Variants in GLI3 observed in about 807,000 individuals in gnomAD.
The protein encoded by GLI3 is transcription activator GLI3.
GLI3 carries 20 observed loss-of-function variants against 100.8 expected under a neutral mutation model. That is an observed-to-expected ratio of 0.20 (90% confidence interval 0.14 to 0.29). The LOEUF (loss-of-function observed/expected upper bound fraction) is 0.29. Among genes scored for constraint, GLI3 ranks in the 10% least tolerant of loss-of-function variants. The probability of loss-of-function intolerance (pLI) is 1.00; values close to 1 mark genes in which losing one functional copy is unlikely to be tolerated. For synonymous variants in GLI3, 938 were observed against 860.5 expected, an observed-to-expected ratio of 1.09 and a Z score of -1.58; for missense variants, 2,040 against 2,128.5, an observed-to-expected ratio of 0.96 and a Z score of 0.82.
At chr7:42,176,892 A>G (rs1411749407) in intron 2 of GLI3, among the ~76,000 whole-genome samples, 1 of 152,276 alleles carries the variant, frequency 6.6e-6, no homozygotes, top group East Asian at 1.9e-4. Flanking sequence ...TTTTAAATCT[A>G]GCCCCCAAAT....
intron 3 of GLI3, among the ~76,000 whole-genome samples, chr7:42,133,226 T>A: frequency 6.6e-6 from 1 of 152,236 alleles, no homozygotes. Context: ...CAACTCTGTT[T>A]CTACTTTGGC....
At chr7:42,155,266 C>G (rs1786974118) in intron 2 of GLI3, among the ~76,000 whole-genome samples, 1 of 151,766 alleles carries the variant, frequency 6.6e-6, no homozygotes, top group Non-Finnish European at 1.5e-5. Context: ...ATGGAGAAAC[C>G]CCATCTCTAC....
At position 42,093,313 on chromosome 7, in the gene GLI3, C is replaced by T. The variant is rs201053879; in HGVS notation, c.368-16456G>A. ...AGAATCACTTGAACCCGGGAGGCGGCGGTTGCAGTGAGCTGAGATCGCCCT... is the reference window on the plus strand; with the variant it reads ...AGAATCACTTGAACCCGGGAGGCGGTGGTTGCAGTGAGCTGAGATCGCCCT... On this transcript the variant is annotated intron_variant, in intron 3 of 14. Transcript: ENST00000395925. Among the ~76,000 whole-genome samples, 34 of 145,724 alleles carry T rather than the reference C, an allele frequency of 2.3e-4. No homozygotes were observed. The East Asian group carries it at 7.1e-3, about 31-fold the overall frequency.
At chr7:42,133,670 A>G (rs1237768853) in intron 3 of GLI3, among the ~76,000 whole-genome samples, 1 of 150,646 alleles carries the variant, frequency 6.6e-6, no homozygotes, top group Non-Finnish European at 1.5e-5. Flanking sequence ...TGTGCCTTAG[A>G]GTCTTGCTCA....
chr7:41,993,291 G>C (rs566197743), intron 10 of GLI3, among the ~76,000 whole-genome samples: 1 of 152,330 alleles, frequency 6.6e-6, no homozygotes, highest in South Asian at 2.1e-4. Context: ...GAGATCCACA[G>C]CTGGAGACGT....
intron 3 of GLI3, among the ~76,000 whole-genome samples, chr7:42,146,194 G>A (rs1786704397): frequency 6.6e-6 from 1 of 152,168 alleles, no homozygotes; most frequent in Non-Finnish European, 1.5e-5. Context: ...GGACAATATT[G>A]TGGGAGAATG....
intron 6 of GLI3, among the ~76,000 whole-genome samples, chr7:42,042,587 C>G (rs528907082): frequency 6.6e-6 from 1 of 152,244 alleles, no homozygotes; most frequent in East Asian, 1.9e-4. Context: ...TGGATATATC[C>G]CTAGAAAATC....
intron 4 of GLI3, among the ~76,000 whole-genome samples, chr7:42,063,051 C>G (rs1394164143): frequency 6.6e-6 from 1 of 152,152 alleles, no homozygotes; most frequent in Non-Finnish European, 1.5e-5. Flanking sequence ...CACAAATACA[C>G]CAGCATAACC....
chr7:42,238,782 G>T (rs1788889275), upstream of GLI3, among the ~76,000 whole-genome samples: 1 of 152,124 alleles, frequency 6.6e-6, no homozygotes, highest in African/African-American at 2.4e-5. Context: ...GGAAGAAAAA[G>T]AAAGAAAAGA....
intron 2 of GLI3, among the ~76,000 whole-genome samples, chr7:42,170,545 G>A (rs1787350173): frequency 6.6e-6 from 1 of 151,326 alleles, no homozygotes; most frequent in African/African-American, 2.4e-5. Context: ...TGGGACTACA[G>A]GTGCCTGCCA....
chr7:42,160,275 C>T (rs1179352522), intron 2 of GLI3, among the ~76,000 whole-genome samples: 1 of 152,182 alleles, frequency 6.6e-6, no homozygotes, highest in African/African-American at 2.4e-5. Flanking sequence ...ATTGGATTTC[C>T]AGGCCTTGGA....
chr7:42,029,721 C>T (rs974874006), intron 7 of GLI3, among the ~76,000 whole-genome samples: 3 of 152,138 alleles, frequency 2.0e-5, no homozygotes, highest in Non-Finnish European at 4.4e-5. Context: ...TTTTTACATT[C>T]ACGTTCCAGC....
rs1787127668 is a variant in GLI3, at chr7:41,965,191, A to G, written c.3882T>C (p.Asn1294=). 1 of 1,613,852 alleles carries G rather than the reference A, an allele frequency of 6.2e-7. No homozygotes were observed. The highest frequency in any genetic ancestry group is 8.5e-7 in the Non-Finnish European group (1 of 1,180,026). The change falls in exon 15 of 15, where the codon AAT becomes AAC. Residue 1294 remains asparagine, a synonymous_variant. Coordinates refer to ENST00000395925, the MANE Select transcript of GLI3 (RefSeq NM_000168.6). ...CATTTGGCGCTACCGGCAGGCCGAA[A>G]TTCAGCTGGCCCCCGCTCCCTTGCA... The part of the protein sequence containing the change: ...TPMQGSGGQL[N]FGLPVAPNES...
At position 41,965,910 on chromosome 7, in the gene GLI3, C is replaced by T. The variant is rs1343190471; in HGVS notation, c.3163G>A (p.Gly1055Ser). The change falls in exon 15 of 15, where the codon GGC (glycine) becomes AGC (serine). Residue 1055 changes from glycine to serine, a missense_variant. By Grantham distance (56) the Gly-to-Ser change is moderately conservative. This residue lies in a region of GLI3 where 1,041 missense variants were observed against 924.0 expected (regional missense o/e 1.13). Coordinates refer to ENST00000395925, the MANE Select transcript of GLI3 (RefSeq NM_000168.6). Reference protein sequence around the residue: ...VLQNYTRPEGGQSRNFHSSPC... With the variant: ...VLQNYTRPEGSQSRNFHSSPC... ...GACGAGTGGAAGTTTCGGGACTGGC[C>T]GCCCTCGGGCCGCGTGTAATTCTGA... The T allele has an allele frequency of 6.2e-7, 1 of 1,613,176 alleles. No individual in the cohort carries two copies.
At chr7:42,182,662 A>ATACATGTG (rs1554337070) in intron 2 of GLI3, among the ~76,000 whole-genome samples, 1 of 76,742 alleles carries the variant, frequency 1.3e-5, no homozygotes, top group Non-Finnish European at 2.5e-5. Flanking sequence ...ATATATATAT[A>ATACATGTG]TATATATATA....
intron 3 of GLI3, among the ~76,000 whole-genome samples, chr7:42,125,245 C>T (rs536018144): frequency 6.6e-6 from 1 of 152,260 alleles, no homozygotes; most frequent in Admixed American, 6.5e-5. Context: ...GTGCCTTGTA[C>T]AGGTGGCGCC....
At chr7:42,240,885 A>G (rs1388537334), upstream of GLI3, among the ~76,000 whole-genome samples, 1 of 152,190 alleles carries the variant, frequency 6.6e-6, no homozygotes. Flanking sequence ...TGCTCCTCTG[A>G]TTCCTACCAT....
chr7:42,249,770 CAA>C (rs397889154), intron 1 of GLI3, among the ~76,000 whole-genome samples: 10 of 125,056 alleles, frequency 8.0e-5, no homozygotes, highest in Non-Finnish European at 1.6e-4. Flanking sequence ...TGTACATGCA[CAA>C]ACACACACAC....
intron 3 of GLI3, among the ~76,000 whole-genome samples, chr7:42,092,755 G>C (rs575005545): frequency 2.2e-4 from 33 of 151,960 alleles, no homozygotes; most frequent in African/African-American, 8.0e-4. Flanking sequence ...CAGGGCACAG[G>C]ATTTGGGGCT....
Sources: gnomAD v4.1 joint callset for allele counts (sites outside exome capture counted in the v4.1 genomes callset) on GRCh38, gnomAD v4.1.1 for gene constraint, gnomAD v4.1.1 regional missense constraint, MANE v1.5 for transcripts, NCBI Gene and HGNC (gene_info 2026-07-23, HGNC 2026-07-21) for gene names.